EYS: variants seen among roughly 807,000 people sequenced by gnomAD.
EYS encodes protein eyes shut homolog.
EYS carries 250 observed loss-of-function variants against 282.1 expected under a neutral mutation model. The ratio of observed to expected loss-of-function variants is 0.89; its 90% CI spans 0.80 to 0.98. EYS has a LOEUF of 0.98. Ranked by LOEUF, EYS falls within the 50% of genes least tolerant of loss-of-function variation. EYS has a pLI of 0.00. For missense variants in EYS, 4,016 were observed against 3,709.0 expected, an observed-to-expected ratio of 1.08 and a Z score of -2.15; for synonymous variants, 1,355 against 1,282.9, an observed-to-expected ratio of 1.06 and a Z score of -1.20.
chr6:65,604,391 A>G (rs924477442), intron 2 of EYS, among the ~76,000 whole-genome samples: 1 of 151,982 alleles, frequency 6.6e-6, no homozygotes, highest in African/African-American at 2.4e-5. Context: ...GAATACATAA[A>G]AGGGAAAATT....
intron 32 of EYS, among the ~76,000 whole-genome samples, chr6:64,075,627 A>G (rs1040667473): frequency 6.6e-6 from 1 of 151,902 alleles, no homozygotes; most frequent in Non-Finnish European, 1.5e-5. Context: ...TAGGATGAAC[A>G]TGGCTGTTAA....
At chr6:64,469,703 G>A (rs915836509) in intron 26 of EYS, among the ~76,000 whole-genome samples, 8 of 151,996 alleles carry the variant, frequency 5.3e-5, no homozygotes, top group African/African-American at 1.7e-4. Context: ...CCGGGAAAGG[G>A]AGTCTCCCTT....
At chr6:64,501,183 A>G (rs9444908) in intron 26 of EYS, among the ~76,000 whole-genome samples, 3,252 of 151,740 alleles carry the variant, frequency 0.021, 59 homozygotes, top group African/African-American at 0.053. Context: ...ATTTCCTAAG[A>G]AAAAAAAGGA....
intron 30 of EYS, among the ~76,000 whole-genome samples, chr6:64,287,176 T>C (rs1454580826): frequency 6.6e-6 from 1 of 152,128 alleles, no homozygotes; most frequent in African/African-American, 2.4e-5. Flanking sequence ...CTGGTTTGCC[T>C]TAATTAAGTC....
intron 28 of EYS, among the ~76,000 whole-genome samples, chr6:64,435,512 T>C (rs1774712633): frequency 6.7e-6 from 1 of 149,524 alleles, no homozygotes; most frequent in South Asian, 2.1e-4. Context: ...TGCCAGAAAA[T>C]AATTTAATCT....
chr6:63,855,897 A>T (rs1772377495), intron 36 of EYS, among the ~76,000 whole-genome samples: 1 of 152,212 alleles, frequency 6.6e-6, no homozygotes. Flanking sequence ...AAAATATTAG[A>T]AAACACACAA....
At chr6:65,206,548 G>A (rs1186518652) in intron 12 of EYS, among the ~76,000 whole-genome samples, 1 of 151,784 alleles carries the variant, frequency 6.6e-6, no homozygotes, top group South Asian at 2.1e-4. Flanking sequence ...AAGTATCACT[G>A]TAATACTAAA....
intron 26 of EYS, among the ~76,000 whole-genome samples, chr6:64,499,032 G>A (rs528504705): frequency 2.0e-5 from 3 of 152,164 alleles, no homozygotes; most frequent in Admixed American, 6.5e-5. Flanking sequence ...TTGAGGAATC[G>A]CCACACTGTC....
chr6:64,135,296 T>G (rs1774122943), intron 31 of EYS, among the ~76,000 whole-genome samples: 1 of 151,958 alleles, frequency 6.6e-6, no homozygotes, highest in Non-Finnish European at 1.5e-5. Flanking sequence ...ATTCAGAAAG[T>G]GATTATAAAC....
intron 22 of EYS, among the ~76,000 whole-genome samples, chr6:64,722,333 T>C (rs1013683081): frequency 2.6e-5 from 4 of 151,982 alleles, no homozygotes; most frequent in African/African-American, 7.3e-5. Flanking sequence ...AAAAATATAA[T>C]TGAATGTGTG....
chr6:63,784,652 C>T (rs114467654), intron 39 of EYS, among the ~76,000 whole-genome samples: 1,633 of 152,062 alleles, frequency 0.011, 22 homozygotes, highest in African/African-American at 0.038. Context: ...CTCATGAGAA[C>T]GCACTATCAC....
intron 14 of EYS, among the ~76,000 whole-genome samples, chr6:64,982,238 T>G (rs1208412307): frequency 1.3e-5 from 2 of 151,314 alleles, no homozygotes; most frequent in African/African-American, 4.8e-5. Context: ...TTAAACAAAT[T>G]GAAGATAGCA....
intron 14 of EYS, among the ~76,000 whole-genome samples, chr6:64,985,720 A>C (rs1226125939): frequency 6.6e-6 from 1 of 151,536 alleles, no homozygotes; most frequent in Non-Finnish European, 1.5e-5. Flanking sequence ...TTTACTATAA[A>C]TATGTCCCAT....
At chr6:64,962,733 A>T (rs1769966364) in intron 14 of EYS, among the ~76,000 whole-genome samples, 1 of 152,026 alleles carries the variant, frequency 6.6e-6, no homozygotes, top group Non-Finnish European at 1.5e-5. Context: ...GGGCAACAGA[A>T]TAAGACCAGG....
chr6:64,056,089 G>A (rs1039514480), intron 33 of EYS, among the ~76,000 whole-genome samples: 1 of 152,108 alleles, frequency 6.6e-6, no homozygotes, highest in Admixed American at 6.6e-5. Flanking sequence ...GACAGCTGAG[G>A]CCTCTGGTGC....
intron 35 of EYS, among the ~76,000 whole-genome samples, chr6:63,959,132 A>G (rs557478650): frequency 6.6e-6 from 1 of 152,326 alleles, no homozygotes; most frequent in Admixed American, 6.5e-5. Flanking sequence ...ACAAAGGTAT[A>G]ATATCCAGAA....
Position 65,503,573 on chromosome 6 carries a change from T to A in EYS, c.-332-7580A>T, listed in dbSNP as rs1766539353. 2.0e-5 allele frequency among the ~76,000 whole-genome samples: 3 copies of A among 151,716 alleles called. No homozygotes were observed. In the South Asian group the frequency reaches 6.2e-4, roughly 31 times the overall value. The stretch of plus-strand genomic sequence containing the variant: ...CCTATGTTTTCTCCTAGAAATTTTG[T>A]AGTTAAGTGTTTTACATTTAGGTAT... On this transcript the variant is annotated intron_variant, in intron 2 of 42. Coordinates refer to ENST00000503581, the MANE Select transcript of EYS (RefSeq NM_001142800.2).
At chr6:64,729,387 T>A (rs562848311) in intron 22 of EYS, among the ~76,000 whole-genome samples, 27 of 152,356 alleles carry the variant, frequency 1.8e-4, no homozygotes, top group Middle Eastern at 3.4e-3. Flanking sequence ...TGTGACTTGC[T>A]TTTTCTAATG....
chr6:64,523,202 T>A (rs536999353), intron 26 of EYS, among the ~76,000 whole-genome samples: 1 of 151,900 alleles, frequency 6.6e-6, no homozygotes, highest in East Asian at 1.9e-4. Context: ...AAAACCAATG[T>A]GCTCAGAGAA....
Sources: allele counts gnomAD v4.1 joint callset (sites outside exome capture counted in the v4.1 genomes callset), GRCh38; gene constraint gnomAD v4.1.1; transcripts MANE v1.5; gene names NCBI Gene and HGNC (gene_info 2026-07-23, HGNC 2026-07-21).